Variants in NBEAL1 observed in about 807,000 individuals in gnomAD.
The protein encoded by NBEAL1 is neurobeachin-like protein 1.
A neutral mutation model predicts 351.3 loss-of-function variants in NBEAL1; 273 were observed. That is an observed-to-expected ratio of 0.78 (90% CI 0.70 to 0.86). The LOEUF is 0.86. Among genes scored for constraint, NBEAL1 ranks in the 40% least tolerant of loss-of-function variants. NBEAL1 has a pLI of 0.00. For synonymous variants in NBEAL1, 1,050 were observed against 1,086.4 expected (o/e 0.97, Z 0.66); for missense variants, 2,961 against 3,201.3 (o/e 0.92, Z 1.81).
chr2:203,217,428 C>T lies in NBEAL1; in HGVS notation c.*74C>T. 7.1e-7 allele frequency: 1 copy of T among 1,417,658 alleles called. No homozygotes were observed. The highest frequency in any genetic ancestry group is 1.7e-5 in the South Asian group (1 of 59,516). The allele number at this position is 1,417,658 out of a possible 1,614,324, so 87.8% of individuals were successfully genotyped here. ...TTGTCACTTTAACCACATCTCTCAA[C>T]TCTCTGCAATGTTGCAAGGCTTTTA... On this transcript the variant is annotated 3_prime_UTR_variant, in exon 56 of 56. Coordinates refer to ENST00000683969, the MANE Select transcript of NBEAL1 (RefSeq NM_001378026.1).
Position 203,127,773 on chromosome 2 carries a change from T to A in NBEAL1, c.3249-8T>A. ...ATTTCAATTCTTATACTTTGTTTTGTCTTTCAGGAATGGTTGTAAATATAA... is the reference window on the plus strand; with the variant it reads ...ATTTCAATTCTTATACTTTGTTTTGACTTTCAGGAATGGTTGTAAATATAA... On this transcript the variant is annotated splice_region_variant and splice_polypyrimidine_tract_variant and intron_variant, in intron 23 of 55. Transcript: ENST00000683969. 1 of 1,481,092 alleles carries A rather than the reference T, an allele frequency of 6.8e-7. No individual in the cohort carries two copies. The highest frequency in any genetic ancestry group is 1.2e-5 in the South Asian group (1 of 80,616). 91.7% of individuals were successfully genotyped at this position (1,481,092 alleles called of 1,614,324 possible).
Position 203,223,775 on chromosome 2 carries a change from G to A in NBEAL1, c.*6421G>A, listed in dbSNP as rs977945448. Among the ~76,000 whole-genome samples the A allele has an allele frequency of 2.0e-5, 3 of 151,972 alleles. No homozygotes were observed. Among genetic ancestry groups the A allele is most frequent in the African/African-American group, 7.2e-5 (3 of 41,418 alleles). ...TTTTGGTAACATATTCTGACACTAA[G>A]CAACATGTTTTACAATTTAGTGGGA... On this transcript the variant is annotated 3_prime_UTR_variant, in exon 56 of 56. Transcript: ENST00000683969.
intron 51 of NBEAL1, among the ~76,000 whole-genome samples, chr2:203,204,224 G>A (rs576300123): frequency 6.9e-6 from 1 of 144,236 alleles, no homozygotes; most frequent in African/African-American, 2.6e-5. Context: ...ACCGCACCCG[G>A]CCCCATACCC....
chr2:203,047,887 C>T (rs1181984612), intron 3 of NBEAL1, among the ~76,000 whole-genome samples: 1 of 151,746 alleles, frequency 6.6e-6, no homozygotes, highest in East Asian at 1.9e-4. Flanking sequence ...GGACCACAGA[C>T]ATATACCACT....
At chr2:203,211,232 T>C in intron 54 of NBEAL1, 126 bp downstream of exon 54, 3 of 624,332 alleles carry the variant, frequency 4.8e-6, no homozygotes. Flanking sequence ...GTTTCTCTTT[T>C]AGCAAGTATA....
intron 34 of NBEAL1, 152 bp downstream of exon 34, chr2:203,149,300 T>C (rs1245765824): frequency 1.7e-6 from 1 of 574,882 alleles, no homozygotes; most frequent in Non-Finnish European, 3.0e-6. Flanking sequence ...CCATGAATTA[T>C]AGGTCTGGGA....
intron 3 of NBEAL1, among the ~76,000 whole-genome samples, chr2:203,047,695 C>G (rs2061251399): frequency 6.6e-6 from 1 of 150,798 alleles, no homozygotes; most frequent in Admixed American, 6.6e-5. Flanking sequence ...TTTGAACACT[C>G]TATAATAGTG....
chr2:203,195,156 T>A (rs4675322), intron 47 of NBEAL1, among the ~76,000 whole-genome samples: 1 of 150,928 alleles, frequency 6.6e-6, no homozygotes, highest in Non-Finnish European at 1.5e-5. Flanking sequence ...ATCACGCCAC[T>A]GCACTCAGAG....
chr2:203,048,081 G>A (rs1333502182), intron 3 of NBEAL1, among the ~76,000 whole-genome samples: 1 of 151,998 alleles, frequency 6.6e-6, no homozygotes, highest in Non-Finnish European at 1.5e-5. Flanking sequence ...TTGATTCTAA[G>A]CCCACATCTT....
rs538272585 is a variant in NBEAL1 at position 203,056,297 on chromosome 2, T to A, written c.306-130T>A. 2.6e-5 allele frequency: 17 copies of A among 664,354 alleles called. No homozygotes were observed. In the Admixed American group the frequency reaches 4.1e-4, roughly 16 times the overall value. The allele number at this position is 664,354 out of a possible 1,614,324, so 41.2% of individuals were successfully genotyped here. On this transcript the variant is annotated intron_variant, in intron 4 of 55. Coordinates refer to ENST00000683969, the MANE Select transcript of NBEAL1 (RefSeq NM_001378026.1). ...AAAGCAGTTATATAACCATATTGAT[T>A]TTTATGTTTTAATAAATGTCATTTG... is the stretch of plus-strand genomic sequence containing the variant.
chr2:203,043,687 C>G (rs2061180628), intron 3 of NBEAL1, among the ~76,000 whole-genome samples: 1 of 150,780 alleles, frequency 6.6e-6, no homozygotes, highest in South Asian at 2.1e-4. Flanking sequence ...TGTGATCGTG[C>G]CACTGCACTC....
chr2:203,153,859 C>T (rs929454144), intron 35 of NBEAL1, among the ~76,000 whole-genome samples: 4 of 152,084 alleles, frequency 2.6e-5, no homozygotes, highest in African/African-American at 9.7e-5. Context: ...TTTTCCTCTC[C>T]TTCTCACCCC....
intron 5 of NBEAL1, 64 bp from the exon 6 acceptor site, chr2:203,057,262 A>G (rs1193015696): frequency 7.0e-7 from 1 of 1,424,664 alleles, no homozygotes; most frequent in Admixed American, 2.1e-5. Context: ...GTTTGAATAC[A>G]AATGACTTAT....
chr2:203,077,189 G>A (rs2351526), intron 7 of NBEAL1, among the ~76,000 whole-genome samples: 138,331 of 151,806 alleles, frequency 0.91, 63,507 homozygotes, highest in Non-Finnish European at 0.96. Context: ...AGGCGGGTGG[G>A]TCACCTGAGG....
chr2:203,099,825 A>G (rs2062273306), intron 12 of NBEAL1, 113 bp downstream of exon 12: 4 of 688,518 alleles, frequency 5.8e-6, no homozygotes, highest in African/African-American at 3.7e-5. Flanking sequence ...GATTTGGTGT[A>G]CAGATTATTT....
intron 30 of NBEAL1, 76 bp from the exon 31 acceptor site, chr2:203,138,544 A>T (rs2063280533): frequency 7.1e-7 from 1 of 1,416,306 alleles, no homozygotes; most frequent in Non-Finnish European, 9.6e-7. Flanking sequence ...GTTTGTATTA[A>T]TGTTGGGGAA....
chr2:203,060,103 A>G (rs890248516), intron 6 of NBEAL1, among the ~76,000 whole-genome samples: 12 of 152,216 alleles, frequency 7.9e-5, no homozygotes, highest in Non-Finnish European at 1.6e-4. Flanking sequence ...TTCTTTATAG[A>G]CAGCAAGACA....
chr2:203,043,194 T>C (rs2061170785), intron 3 of NBEAL1, among the ~76,000 whole-genome samples: 1 of 152,152 alleles, frequency 6.6e-6, no homozygotes, highest in South Asian at 2.1e-4. Context: ...TTTTAGAAAC[T>C]AGATTTAAAA....
At chr2:203,122,484 G>A (rs1249160698) in intron 19 of NBEAL1, 141 bp downstream of exon 19, 4 of 577,622 alleles carry the variant, frequency 6.9e-6, no homozygotes, top group Non-Finnish European at 1.2e-5. Context: ...AATTTGAAGG[G>A]TAAACAAATG....
Sources: allele counts gnomAD v4.1 joint callset (sites outside exome capture counted in the v4.1 genomes callset), GRCh38; gene constraint gnomAD v4.1.1; transcripts MANE v1.5; gene names NCBI Gene and HGNC (gene_info 2026-07-23, HGNC 2026-07-21).